ERCC6L2: variants seen among roughly 807,000 people sequenced by gnomAD.
ERCC6L2 encodes DNA excision repair protein ERCC-6-like 2.
Under a neutral mutation model 132.0 loss-of-function variants are expected in ERCC6L2, and 77 were observed. The observed-to-expected ratio is 0.58, with a 90% CI of 0.49 to 0.71. The LOEUF is 0.71. Among genes scored for constraint, ERCC6L2 ranks in the 30% least tolerant of loss-of-function variants. ERCC6L2 has a pLI of 0.00. For missense variants in ERCC6L2, 1,542 were observed against 1,837.6 expected (o/e 0.84, Z 2.94); for synonymous variants, 583 against 632.4 (o/e 0.92, Z 1.17).
chr9:95,934,115 G>A (rs1445739267), intron 11 of ERCC6L2, among the ~76,000 whole-genome samples: 1 of 152,142 alleles, frequency 6.6e-6, no homozygotes, highest in Non-Finnish European at 1.5e-5. Context: ...AGGAAAGCCT[G>A]AAAGACAGCT....
rs143690276 is a variant in ERCC6L2 at position 95,946,747 on chromosome 9, C to T, written c.1847+5198C>T. Reference sequence around the variant, plus strand: ...AGCAAGTCTTCCAGCACCATTTTTCCGTGGCATATGCTCACTTGTGTCTCT... The same window carrying T: ...AGCAAGTCTTCCAGCACCATTTTTCTGTGGCATATGCTCACTTGTGTCTCT... On this transcript the variant is annotated intron_variant, in intron 12 of 18. Coordinates refer to ENST00000653738, the MANE Select transcript of ERCC6L2 (RefSeq NM_020207.7). Among the ~76,000 whole-genome samples the T allele has an allele frequency of 2.6e-4, 39 of 152,188 alleles. No individual in the cohort carries two copies. In the East Asian group the frequency reaches 6.6e-3, roughly 26 times the overall value.
chr9:95,984,724 A>G (rs1833031688), intron 17 of ERCC6L2, among the ~76,000 whole-genome samples: 1 of 152,218 alleles, frequency 6.6e-6, no homozygotes, highest in Admixed American at 6.5e-5. Context: ...AATCTTACAT[A>G]TAATTAATAC....
chr9:95,985,374 A>G (rs952570210), intron 17 of ERCC6L2, among the ~76,000 whole-genome samples: 1 of 152,194 alleles, frequency 6.6e-6, no homozygotes, highest in African/African-American at 2.4e-5. Context: ...AGTCCCTACA[A>G]CCATTTTCAC....
At chr9:95,877,089 C>T (rs1827313128) in intron 1 of ERCC6L2, 1 of 152,126 alleles carries the variant, frequency 6.6e-6, no homozygotes, top group Non-Finnish European at 1.5e-5. Flanking sequence ...GAGAGAGAGA[C>T]CCTATCACCA....
intron 19 of ERCC6L2, among the ~76,000 whole-genome samples, chr9:96,030,425 A>G (rs1444758828): frequency 1.3e-5 from 2 of 152,078 alleles, no homozygotes; most frequent in Admixed American, 6.6e-5. Context: ...TAAGAGCTGT[A>G]GTACTCTCAC....
chr9:96,036,841 A>T (rs866707418), intron 19 of ERCC6L2, among the ~76,000 whole-genome samples: 208 of 145,058 alleles, frequency 1.4e-3, no homozygotes, highest in African/African-American at 3.9e-3. Flanking sequence ...ATCTCGGCTC[A>T]CTGCAAGCTC....
intron 9 of ERCC6L2, among the ~76,000 whole-genome samples, chr9:95,926,800 A>G (rs1410881758): frequency 6.6e-6 from 1 of 152,168 alleles, no homozygotes. Context: ...TAATGTATCA[A>G]TATTCACTCA....
At chr9:95,925,709 A>G (rs1386157595) in intron 9 of ERCC6L2, among the ~76,000 whole-genome samples, 1 of 152,196 alleles carries the variant, frequency 6.6e-6, no homozygotes, top group African/African-American at 2.4e-5. Flanking sequence ...GAAAACACTT[A>G]AAGTTGCAAT....
At chr9:95,935,769 A>C (rs903683752) in intron 11 of ERCC6L2, among the ~76,000 whole-genome samples, 3 of 152,282 alleles carry the variant, frequency 2.0e-5, no homozygotes, top group African/African-American at 7.2e-5. Flanking sequence ...ATTGAGGCCG[A>C]TTGGTCTCTG....
chr9:95,894,584 CTTTTTTTT>C (rs1218474585), intron 2 of ERCC6L2, among the ~76,000 whole-genome samples: 11 of 83,484 alleles, frequency 1.3e-4, no homozygotes, highest in African/African-American at 6.6e-4. Context: ...ATATGTCAGC[CTTTTTTTT>C]TTTTTTTTTT....
At chr9:96,032,915 G>A (rs1834478252) in intron 19 of ERCC6L2, among the ~76,000 whole-genome samples, 1 of 152,068 alleles carries the variant, frequency 6.6e-6, no homozygotes, top group Non-Finnish European at 1.5e-5. Context: ...TTCCCCATTG[G>A]AGCAGGAACC....
chr9:95,910,729 T>C (rs1200390030), intron 4 of ERCC6L2, among the ~76,000 whole-genome samples: 4 of 152,174 alleles, frequency 2.6e-5, no homozygotes, highest in Non-Finnish European at 5.9e-5. Flanking sequence ...TTTTGTCAGG[T>C]CTGGGATTTA....
intron 19 of ERCC6L2, among the ~76,000 whole-genome samples, chr9:96,024,759 G>C (rs535134421): frequency 6.6e-6 from 1 of 152,250 alleles, no homozygotes; most frequent in South Asian, 2.1e-4. Context: ...ACTGCTTCCC[G>C]TTGGGTTATC....
intron 12 of ERCC6L2, among the ~76,000 whole-genome samples, chr9:95,942,256 A>G (rs777270087): frequency 1.3e-5 from 2 of 152,164 alleles, no homozygotes; most frequent in African/African-American, 2.4e-5. Context: ...CTGCATGGAA[A>G]CACAGACCGG....
At chr9:95,880,266 C>A (rs904254948) in intron 1 of ERCC6L2, among the ~76,000 whole-genome samples, 2 of 152,008 alleles carry the variant, frequency 1.3e-5, no homozygotes, top group African/African-American at 2.4e-5. Context: ...GGCTTAGAGG[C>A]AACAATATTG....
chr9:95,897,858 T>C lies in ERCC6L2; in HGVS notation c.481T>C (p.Phe161Leu), dbSNP rs1309721234. 6.2e-7 allele frequency: 1 copy of C among 1,612,594 alleles called. No individual in the cohort carries two copies. Among genetic ancestry groups the C allele is most frequent in the Non-Finnish European group, 8.5e-7 (1 of 1,179,466 alleles). ...GLGKTVQVIS[F>L]LAAVLHKKGT... The stretch of plus-strand genomic sequence containing the variant: ...AGTCTTTTTTCCCCAGGTTATTTCA[T>C]TTCTGGCTGCAGTTTTGCATAAAAA... Residue 161 changes from phenylalanine (F) to leucine (L), a missense_variant, in exon 3 of 19, where the codon TTT (phenylalanine) becomes CTT (leucine). Phe to Leu is a conservative substitution (Grantham distance 22). Around this residue, in one of 4 missense-constraint regions of ERCC6L2, gnomAD observed 945 missense variants for 1,105.2 expected, o/e 0.86. Coordinates refer to ENST00000653738, the MANE Select transcript of ERCC6L2 (RefSeq NM_020207.7).
At position 95,895,990 on chromosome 9, in the gene ERCC6L2, T is replaced by G. The variant is rs560470640; in HGVS notation, c.472-1859T>G. The stretch of plus-strand genomic sequence containing the variant: ...ATCCACCCACCTTGGCCTCCCAAAG[T>G]GCTGGGATTACAGGCTGTCATAGCT... On this transcript the variant is annotated intron_variant, in intron 2 of 18. Coordinates refer to ENST00000653738, the MANE Select transcript of ERCC6L2 (RefSeq NM_020207.7). Among the ~76,000 whole-genome samples the G allele has an allele frequency of 3.3e-5, 5 of 152,308 alleles. No homozygotes were observed. The South Asian group carries it at 1.0e-3, about 32-fold the overall frequency.
chr9:95,941,860 A>T (rs560768889), intron 12 of ERCC6L2, among the ~76,000 whole-genome samples: 1 of 152,320 alleles, frequency 6.6e-6, no homozygotes, highest in Non-Finnish European at 1.5e-5. Flanking sequence ...CCTGGAAGAT[A>T]GAAAGCAAGT....
Position 95,928,163 on chromosome 9 carries a change from A to G in ERCC6L2, c.1605+13A>G. On this transcript the variant is annotated intron_variant, in intron 10 of 18. Transcript: ENST00000653738. ...TTTTTCCACCAAGGTGAGTTCATCT[A>G]AAGTATATCCTTGATTGGCCAGCCT... 1 of 1,590,510 alleles carries G rather than the reference A, an allele frequency of 6.3e-7. No individual in the cohort carries two copies. Among genetic ancestry groups the G allele is most frequent in the South Asian group, 1.1e-5 (1 of 90,464 alleles).
Sources: gnomAD v4.1 joint callset for allele counts (sites outside exome capture counted in the v4.1 genomes callset) on GRCh38, gnomAD v4.1.1 for gene constraint, gnomAD v4.1.1 regional missense constraint, MANE v1.5 for transcripts, NCBI Gene and HGNC (gene_info 2026-07-23, HGNC 2026-07-21) for gene names.